ANKFN1: variants seen among roughly 807,000 people sequenced by gnomAD.
ANKFN1 encodes ankyrin repeat and fibronectin type-III domain-containing protein 1.
In ANKFN1, 74 loss-of-function variants were observed where a neutral mutation model predicts 108.7. The observed-to-expected ratio is 0.68, with a 90% confidence interval of 0.56 to 0.83. The LOEUF (loss-of-function observed/expected upper bound fraction) is 0.83, where lower values mean the gene tolerates loss of function less well. Ranked by LOEUF, ANKFN1 falls within the 40% of genes least tolerant of loss-of-function variation. ANKFN1 has a pLI of 0.00. For missense variants in ANKFN1, 1,505 were observed against 1,382.3 expected, an observed-to-expected ratio of 1.09 and a Z score of -1.41; for synonymous variants, 547 against 516.2, an observed-to-expected ratio of 1.06 and a Z score of -0.81.
At chr17:56,334,559 C>A (rs2045753496) in intron 4 of ANKFN1, among the ~76,000 whole-genome samples, 1 of 151,944 alleles carries the variant, frequency 6.6e-6, no homozygotes, top group East Asian at 1.9e-4. Flanking sequence ...AAGCACTCTG[C>A]TAAACAATGT....
At chr17:56,163,156 C>T (rs1909833838) in intron 1 of ANKFN1, among the ~76,000 whole-genome samples, 1 of 152,008 alleles carries the variant, frequency 6.6e-6, no homozygotes, top group Non-Finnish European at 1.5e-5. Flanking sequence ...GGTTTTTCTC[C>T]CCCAGCCCGT....
chr17:56,380,655 T>C (rs894612127), intron 8 of ANKFN1, among the ~76,000 whole-genome samples: 2 of 152,126 alleles, frequency 1.3e-5, no homozygotes, highest in African/African-American at 4.8e-5. Context: ...GCTCAGAGGG[T>C]CCTACGCCCA....
At chr17:56,405,173 C>G (rs537245325) in intron 8 of ANKFN1, among the ~76,000 whole-genome samples, 1 of 152,240 alleles carries the variant, frequency 6.6e-6, no homozygotes, top group Admixed American at 6.5e-5. Flanking sequence ...TTCCAGAGAC[C>G]ATCAGTAGTA....
chr17:56,086,094 TA>T (rs1905310559), intron 4 of ANKFN1, among the ~76,000 whole-genome samples: 1 of 151,110 alleles, frequency 6.6e-6, no homozygotes, highest in Non-Finnish European at 1.5e-5. Flanking sequence ...GAATTTATGG[TA>T]GAGAAAATAT....
intron 4 of ANKFN1, among the ~76,000 whole-genome samples, chr17:56,048,814 C>T (rs1388301720): frequency 1.3e-5 from 2 of 152,216 alleles, no homozygotes; most frequent in African/African-American, 2.4e-5. Flanking sequence ...TGCCTTGGGG[C>T]CTCTGTCTTC....
rs140341381 is a variant in ANKFN1 at position 56,099,605 on chromosome 17, A to C, written c.288+53280A>C. Among the ~76,000 whole-genome samples, 43 of 152,340 alleles carry C rather than the reference A, an allele frequency of 2.8e-4. 1 individual carries two copies. The highest frequency in any genetic ancestry group is 6.8e-3 in the Middle Eastern group (2 of 294). On this transcript the variant is annotated intron_variant, in intron 4 of 12. Transcript: ENST00000635860. ...CCTTATTTGCCAGATGGGTCTTGGT[A>C]TCCTGGAGAAGCCAGAAATTTAGAC... is the stretch of plus-strand genomic sequence containing the variant.
At chr17:56,310,312 T>C (rs1302138666) in intron 3 of ANKFN1, among the ~76,000 whole-genome samples, 1 of 152,228 alleles carries the variant, frequency 6.6e-6, no homozygotes. Flanking sequence ...GAGAGACTGC[T>C]GTGCTTTTGC....
intron 1 of ANKFN1, among the ~76,000 whole-genome samples, chr17:56,179,489 G>A (rs981893743): frequency 1.3e-5 from 2 of 152,108 alleles, no homozygotes; most frequent in African/African-American, 2.4e-5. Context: ...GTGCTAGAGG[G>A]GGGATAAAAA....
In ANKFN1 at chr17:56,169,258, G is replaced by A. The variant is rs554045888; in HGVS notation, c.-71+15728G>A. ...TTTCCATTAGAGAACTTCTAATTCCGTTTAAAATTATTATCATTATTATTT... is the reference window on the plus strand; with the variant it reads ...TTTCCATTAGAGAACTTCTAATTCCATTTAAAATTATTATCATTATTATTT... On this transcript the variant is annotated intron_variant, in intron 1 of 20. Transcript: ENST00000682825. 5.9e-5 allele frequency among the ~76,000 whole-genome samples: 9 copies of A among 152,140 alleles called. No individual in the cohort carries two copies. The East Asian group carries it at 9.7e-4, about 16-fold the overall frequency.
chr17:56,067,029 A>G (rs983075652), intron 4 of ANKFN1, among the ~76,000 whole-genome samples: 3 of 152,152 alleles, frequency 2.0e-5, no homozygotes, highest in Non-Finnish European at 4.4e-5. Context: ...CATCTCTACT[A>G]AAAACACAAG....
chr17:56,201,833 G>A (rs1230893186), intron 1 of ANKFN1, among the ~76,000 whole-genome samples: 1 of 152,126 alleles, frequency 6.6e-6, no homozygotes, highest in Non-Finnish European at 1.5e-5. Context: ...TAAAACCACT[G>A]AAAAACTAAA....
At chr17:56,446,145 A>C (rs1353861425) in intron 10 of ANKFN1, among the ~76,000 whole-genome samples, 2 of 152,198 alleles carry the variant, frequency 1.3e-5, no homozygotes, top group Non-Finnish European at 2.9e-5. Flanking sequence ...TTTCTAATGT[A>C]TCATAAAGTA....
intron 8 of ANKFN1, among the ~76,000 whole-genome samples, chr17:56,424,041 T>C (rs2048486307): frequency 6.6e-6 from 1 of 152,218 alleles, no homozygotes; most frequent in Non-Finnish European, 1.5e-5. Context: ...AAGGAGAATT[T>C]AGTCTCAGAG....
Position 56,511,250 on chromosome 17 carries a change from TACTC to T in ANKFN1, c.3424_3427del (p.Leu1142AlafsTer90). ...CCCACCGCCTCTCCCATGTCAGAAA[TACTC>T]AGCAGCATGCTTTAGGGAGGCCCAT... is the stretch of plus-strand genomic sequence containing the variant. On this transcript the variant is annotated frameshift_variant, in exon 21 of 21. Coordinates refer to ENST00000682825, the MANE Select transcript of ANKFN1 (RefSeq NM_001370326.1). LOFTEE classifies it high-confidence loss of function. 2.0e-6 allele frequency: 3 copies of T among 1,529,132 alleles called. No homozygotes were observed. The highest frequency in any genetic ancestry group is 1.8e-6 in the Non-Finnish European group (2 of 1,142,358). The allele number at this position is 1,529,132 out of a possible 1,614,324, so 94.7% of individuals were successfully genotyped here.
intron 2 of ANKFN1, among the ~76,000 whole-genome samples, chr17:56,220,844 G>GGA (rs1915820354): frequency 2.2e-5 from 2 of 89,186 alleles, no homozygotes; most frequent in African/African-American, 1.3e-4. Flanking sequence ...GGAAGGGAGG[G>GGA]AGGGAGGAAG....
intron 4 of ANKFN1, among the ~76,000 whole-genome samples, chr17:56,116,443 A>T (rs1906281196): frequency 2.0e-5 from 3 of 152,092 alleles, no homozygotes; most frequent in African/African-American, 7.2e-5. Flanking sequence ...AGTGTTGCAG[A>T]TGGGGCCTAA....
At chr17:56,266,547 T>G (rs2043657113) in intron 3 of ANKFN1, among the ~76,000 whole-genome samples, 1 of 152,220 alleles carries the variant, frequency 6.6e-6, no homozygotes, top group South Asian at 2.1e-4. Flanking sequence ...AGCCTATCTA[T>G]CCCTGTGTAA....
intron 3 of ANKFN1, among the ~76,000 whole-genome samples, chr17:56,294,895 A>G (rs2044463767): frequency 6.6e-6 from 1 of 152,230 alleles, no homozygotes; most frequent in South Asian, 2.1e-4. Context: ...TTGATGGGCA[A>G]ATATGGGAAG....
rs1159020775 is a variant in ANKFN1 at position 56,482,376 on chromosome 17, C to T, written c.2112C>T (p.Tyr704=). ...TGCAGGCAAGGAACTTCCGCCTCTACACACAGGAGGTGTTGGAAATGGGTC... is the reference window on the plus strand; with the variant it reads ...TGCAGGCAAGGAACTTCCGCCTCTATACACAGGAGGTGTTGGAAATGGGTC... ...PLHQARNFRL[Y]TQEVLEMGHN... Residue 704 remains tyrosine, a synonymous_variant, in exon 18 of 21, where the codon TAC becomes TAT. Coordinates refer to ENST00000682825, the MANE Select transcript of ANKFN1 (RefSeq NM_001370326.1). 2 of 1,607,948 alleles carry T rather than the reference C, an allele frequency of 1.2e-6. No individual in the cohort carries two copies. Among genetic ancestry groups the T allele is most frequent in the South Asian group, 1.1e-5 (1 of 89,404 alleles).
Sources: gnomAD v4.1 joint callset for allele counts (sites outside exome capture counted in the v4.1 genomes callset) on GRCh38, gnomAD v4.1.1 for gene constraint, MANE v1.5 for transcripts, NCBI Gene and HGNC (gene_info 2026-07-23, HGNC 2026-07-21) for gene names.